The following PDE1A variants were observed in gnomAD, a reference collection of about 807,000 sequenced individuals.
PDE1A encodes dual specificity calcium/calmodulin-dependent 3',5'-cyclic nucleotide phosphodiesterase 1A.
In PDE1A, 35 loss-of-function variants were observed where a neutral mutation model predicts 61.7. The observed-to-expected ratio is 0.57, with a 90% CI of 0.43 to 0.75. PDE1A has a LOEUF of 0.75. PDE1A is among the 30% of genes least tolerant of loss of function. PDE1A has a pLI of 0.00. For synonymous variants in PDE1A, 232 were observed against 213.2 expected (o/e 1.09, Z -0.77); for missense variants, 597 against 630.6 (o/e 0.95, Z 0.57).
chr2:182,403,921 G>A (rs146253841), intron 1 of PDE1A, among the ~76,000 whole-genome samples: 4 of 152,054 alleles, frequency 2.6e-5, no homozygotes, highest in Non-Finnish European at 4.4e-5. Context: ...ACTATGGCAC[G>A]TGTATACCTA....
intron 13 of PDE1A, among the ~76,000 whole-genome samples, chr2:182,182,825 C>G (rs550549526): frequency 7.2e-5 from 11 of 151,894 alleles, no homozygotes; most frequent in Non-Finnish European, 1.3e-4. Flanking sequence ...CTCCATCATT[C>G]TCTTTCTAAC....
intron 1 of PDE1A, among the ~76,000 whole-genome samples, chr2:182,273,454 A>T: frequency 6.6e-6 from 1 of 151,486 alleles, no homozygotes; most frequent in Non-Finnish European, 1.5e-5. Flanking sequence ...GATAAAAAAA[A>T]ATAGATTTAA....
intron 2 of PDE1A, among the ~76,000 whole-genome samples, chr2:182,247,585 C>G (rs1417156886): frequency 6.6e-6 from 1 of 152,218 alleles, no homozygotes; most frequent in Admixed American, 6.5e-5. Context: ...TCTGTGTCTT[C>G]TTCCGTCTGA....
Position 182,483,865 on chromosome 2 carries a change from T to C in PDE1A, c.101+38411A>G, listed in dbSNP as rs182877670. Among the ~76,000 whole-genome samples the C allele has an allele frequency of 3.9e-5, 6 of 152,032 alleles. No individual in the cohort carries two copies. The East Asian group carries it at 9.7e-4, about 24-fold the overall frequency. On this transcript the variant is annotated intron_variant, in intron 2 of 14. Coordinates refer to the PDE1A transcript ENST00000410103. ...ATTGAAAAGATCAACAAAACTATTT[T>C]ACCTGTAGCTATGTTAACCAAGAAA...
At chr2:182,439,969 T>C (rs1684683832) in intron 2 of PDE1A, among the ~76,000 whole-genome samples, 1 of 152,066 alleles carries the variant, frequency 6.6e-6, no homozygotes, top group South Asian at 2.1e-4. Flanking sequence ...ACAACAGAAA[T>C]ATAAACCAAA....
intron 1 of PDE1A, among the ~76,000 whole-genome samples, chr2:182,397,797 G>T (rs1701792722): frequency 6.6e-6 from 1 of 152,078 alleles, no homozygotes; most frequent in Admixed American, 6.5e-5. Flanking sequence ...TCACCAGGTA[G>T]CATGGGGCTT....
the PDE1A span, among the ~76,000 whole-genome samples, chr2:182,554,038 A>G: frequency 6.6e-6 from 1 of 152,170 alleles, no homozygotes; most frequent in East Asian, 1.9e-4. Context: ...ATTTCAGTAG[A>G]TAACTCAACT....
chr2:182,572,925 G>A, the PDE1A span, among the ~76,000 whole-genome samples: 1 of 150,298 alleles, frequency 6.7e-6, no homozygotes, highest in South Asian at 2.1e-4. Flanking sequence ...CACTAGAGGA[G>A]ACAACAGTGC....
chr2:182,328,440 T>C lies in PDE1A; in HGVS notation c.54-64026A>G, dbSNP rs548302989. 9.9e-5 allele frequency among the ~76,000 whole-genome samples: 15 copies of C among 152,222 alleles called. No individual in the cohort carries two copies. In the South Asian group the frequency reaches 1.5e-3, roughly 15 times the overall value. The stretch of plus-strand genomic sequence containing the variant: ...ACATGGAAGGTCATTATTGCAATGA[T>C]GGATTATTGAGTATAAGTTGGGGAG... On this transcript the variant is annotated intron_variant, in intron 1 of 13. Transcript: ENST00000351439.
intron 1 of PDE1A, among the ~76,000 whole-genome samples, chr2:182,364,466 T>TAAAGAAAAAAAAAA (rs1699700538): frequency 2.8e-5 from 1 of 35,840 alleles, no homozygotes; most frequent in Non-Finnish European, 5.1e-5. Flanking sequence ...AACACTTTGG[T>TAAAGAAAAAAAAAA]AAAAAAAAAA....
chr2:182,584,733 T>C, the PDE1A span, among the ~76,000 whole-genome samples: 1 of 152,156 alleles, frequency 6.6e-6, no homozygotes, highest in East Asian at 1.9e-4. Context: ...CTGTCAGCAC[T>C]TGTGGTTGAG....
the PDE1A span, among the ~76,000 whole-genome samples, chr2:182,617,322 G>T: frequency 6.6e-6 from 1 of 152,130 alleles, no homozygotes; most frequent in Non-Finnish European, 1.5e-5. Context: ...CACACATGTT[G>T]TCACACATCA....
the PDE1A span, among the ~76,000 whole-genome samples, chr2:182,704,219 A>AC: frequency 1.3e-5 from 2 of 149,164 alleles, no homozygotes; most frequent in African/African-American, 5.0e-5. Context: ...TGGAAAAAAA[A>AC]AAAAAACAAA....
chr2:182,469,917 G>A (rs1686918315), intron 2 of PDE1A, among the ~76,000 whole-genome samples: 1 of 151,778 alleles, frequency 6.6e-6, no homozygotes, highest in Non-Finnish European at 1.5e-5. Flanking sequence ...CAGAACACAT[G>A]TAACATTTAA....
chr2:182,609,836 C>G, the PDE1A span, among the ~76,000 whole-genome samples: 16 of 27,290 alleles, frequency 5.9e-4, no homozygotes, highest in African/African-American at 7.3e-4. Flanking sequence ...TGCCTGTAAT[C>G]CCAGCACTTG....
At chr2:182,627,767 A>AC in the PDE1A span, among the ~76,000 whole-genome samples, 46 of 151,752 alleles carry the variant, frequency 3.0e-4, no homozygotes, top group East Asian at 8.8e-3. Context: ...AACTTGTGAG[A>AC]CCCCATCTCT....
the PDE1A span, among the ~76,000 whole-genome samples, chr2:182,610,242 C>G: frequency 6.6e-6 from 1 of 152,326 alleles, no homozygotes; most frequent in South Asian, 2.1e-4. Context: ...TTTGTCAAAC[C>G]TAAGCATAAA....
intron 2 of PDE1A, among the ~76,000 whole-genome samples, chr2:182,510,021 T>C (rs1689683267): frequency 6.6e-6 from 1 of 152,102 alleles, no homozygotes; most frequent in Admixed American, 6.5e-5. Context: ...TGCTTAGAGA[T>C]TTTACTATTT....
chr2:182,553,751 T>C, the PDE1A span, among the ~76,000 whole-genome samples: 1 of 152,210 alleles, frequency 6.6e-6, no homozygotes, highest in Non-Finnish European at 1.5e-5. Flanking sequence ...TGAGTAGGCA[T>C]TTTCTAGATG....
Sources: allele counts gnomAD v4.1 joint callset (sites outside exome capture counted in the v4.1 genomes callset), GRCh38; gene constraint gnomAD v4.1.1; transcripts MANE v1.5; gene names NCBI Gene and HGNC (gene_info 2026-07-23, HGNC 2026-07-21).